CHN2: variants seen among roughly 807,000 people sequenced by gnomAD.
CHN2 encodes chimerin 2, also known as beta-chimaerin.
A neutral mutation model predicts 56.3 loss-of-function variants in CHN2; 35 were observed. The observed-to-expected ratio is 0.62, with a 90% CI of 0.47 to 0.82. The LOEUF (loss-of-function observed/expected upper bound fraction) is 0.82, where lower values mean the gene tolerates loss of function less well. Ranked by LOEUF, CHN2 falls within the 40% of genes least tolerant of loss-of-function variation. The pLI, the probability that CHN2 is intolerant of heterozygous loss-of-function variation, is 0.00. For missense variants in CHN2, 491 were observed against 580.5 expected (o/e 0.85, Z 1.58); for synonymous variants, 210 against 212.8 (o/e 0.99, Z 0.12).
upstream of CHN2, chr7:29,194,247 G>A (rs1783290322): frequency 4.4e-5 from 6 of 135,756 alleles, no homozygotes; most frequent in Admixed American, 4.6e-4. Flanking sequence ...CGCAGCAGCC[G>A]CGCTCGCCCC....
intron 1 of CHN2, among the ~76,000 whole-genome samples, chr7:29,330,034 T>A (rs1796106017): frequency 1.3e-5 from 2 of 152,320 alleles, no homozygotes; most frequent in South Asian, 4.1e-4. Flanking sequence ...TCCTTGAAGG[T>A]AAGAATCATC....
At chr7:29,275,459 ACT>A (rs1791115351) in intron 1 of CHN2, among the ~76,000 whole-genome samples, 1 of 152,098 alleles carries the variant, frequency 6.6e-6, no homozygotes, top group Admixed American at 6.6e-5. Flanking sequence ...CACATGTAAG[ACT>A]CTATGATTAT....
At chr7:29,252,189 T>TTTC (rs1788605304) in intron 1 of CHN2, among the ~76,000 whole-genome samples, 1 of 144,718 alleles carries the variant, frequency 6.9e-6, no homozygotes, top group African/African-American at 2.6e-5. Context: ...TATACAGGAT[T>TTTC]TTTTTTTTTT....
Position 29,412,320 on chromosome 7 carries a change from C to CTTTTTTTTTT in CHN2, c.576+11511_576+11520dup, listed in dbSNP as rs1158746299. Among the ~76,000 whole-genome samples the CTTTTTTTTTT allele has an allele frequency of 1.9e-4, 13 of 69,504 alleles. 3 individuals are homozygous for CTTTTTTTTTT. The highest frequency in any genetic ancestry group is 6.2e-4 in the African/African-American group (10 of 16,108). The allele number at this position is 69,504 out of a possible 152,430, so 45.6% of individuals were successfully genotyped here. A position where few individuals can be genotyped will look rare whatever the true frequency, so the allele number is the denominator to read the frequency against. On this transcript the variant is annotated intron_variant, in intron 6 of 12. Coordinates refer to ENST00000222792, the MANE Select transcript of CHN2 (RefSeq NM_004067.4). ...AGATTAAGGCGCTCTGCTAAAGAGT[C>CTTTTTTTTTT]TTTTTTTTTTTTTTTTTTTTTTTTT... is the stretch of plus-strand genomic sequence containing the variant.
intron 6 of CHN2, among the ~76,000 whole-genome samples, chr7:29,442,930 A>ATTTCTTTTTTTTTTTCT (rs1783754636): frequency 9.8e-6 from 1 of 102,186 alleles, no homozygotes; most frequent in South Asian, 3.0e-4. Context: ...ATTTCATTGA[A>ATTTCTTTTTTTTTTTCT]TTTCTTTTTT....
At chr7:29,149,193 T>TTA (rs1793224945) in intron 2 of CHN2, among the ~76,000 whole-genome samples, 1 of 142,084 alleles carries the variant, frequency 7.0e-6, no homozygotes, top group Non-Finnish European at 1.5e-5. Context: ...GTTTCCCTTT[T>TTA]TTTTTTTTTT....
chr7:29,476,561 TA>T (rs34518690), intron 6 of CHN2, among the ~76,000 whole-genome samples: 22,685 of 149,036 alleles, frequency 0.15, 2,193 homozygotes, highest in African/African-American at 0.27. Context: ...CAATAAAAAT[TA>T]AAAAAAAAAA....
intron 2 of CHN2, among the ~76,000 whole-genome samples, chr7:29,173,844 TG>T (rs1562807642): frequency 6.7e-6 from 1 of 150,036 alleles, no homozygotes; most frequent in African/African-American, 2.5e-5. Flanking sequence ...CCATCTTACT[TG>T]GGGGGCTGAG....
intron 1 of CHN2, among the ~76,000 whole-genome samples, chr7:29,218,075 GA>G (rs1270658479): frequency 1.3e-5 from 2 of 151,488 alleles, no homozygotes; most frequent in East Asian, 1.9e-4. Flanking sequence ...TTACATTTAA[GA>G]AAAAAAAGAC....
intron 7 of CHN2, among the ~76,000 whole-genome samples, chr7:29,485,264 T>C (rs1430251712): frequency 1.3e-5 from 2 of 152,070 alleles, no homozygotes; most frequent in Admixed American, 6.6e-5. Flanking sequence ...GGGCAGGTAA[T>C]GTGTGAGACC....
intron 1 of CHN2, among the ~76,000 whole-genome samples, chr7:29,319,131 ATGTG>A (rs1189966836): frequency 6.6e-6 from 1 of 152,230 alleles, no homozygotes; most frequent in Non-Finnish European, 1.5e-5. Flanking sequence ...ACATGCAACT[ATGTG>A]TGTGAAATTT....
chr7:29,490,116 T>A (rs1178756986), intron 7 of CHN2, among the ~76,000 whole-genome samples: 1 of 146,046 alleles, frequency 6.8e-6, no homozygotes. Flanking sequence ...CATTCCTTTT[T>A]TTTTTTTTTT....
At chr7:29,278,950 C>T (rs956061713) in intron 1 of CHN2, among the ~76,000 whole-genome samples, 1 of 152,090 alleles carries the variant, frequency 6.6e-6, no homozygotes, top group Non-Finnish European at 1.5e-5. Flanking sequence ...CTGCCTCCCC[C>T]CAGGCCTGTC....
chr7:29,323,707 G>A (rs1234415136), intron 1 of CHN2, among the ~76,000 whole-genome samples: 2 of 151,896 alleles, frequency 1.3e-5, no homozygotes, highest in Non-Finnish European at 2.9e-5. Context: ...TTAAATTATA[G>A]GGGGTTGAGG....
intron 6 of CHN2, among the ~76,000 whole-genome samples, chr7:29,421,713 G>A (rs1041766540): frequency 6.6e-6 from 1 of 152,202 alleles, no homozygotes; most frequent in Non-Finnish European, 1.5e-5. Context: ...GAGATAGAAT[G>A]TACGTGAATG....
At position 29,208,442 on chromosome 7, in the gene CHN2, C is replaced by T. The variant is rs73306262; in HGVS notation, c.49+13452C>T. On this transcript the variant is annotated intron_variant, in intron 1 of 12. Transcript: ENST00000222792. ...TGGCAACCCCTAGAGGAAGTGGGCA[C>T]GGGCTACAGTGACTCTGTTGTTCTG... Among the ~76,000 whole-genome samples, 1,499 of 152,274 alleles carry T rather than the reference C, an allele frequency of 9.8e-3. 28 individuals carry two copies. The highest frequency in any genetic ancestry group is 0.034 in the African/African-American group (1,428 of 41,540).
intron 1 of CHN2, among the ~76,000 whole-genome samples, chr7:29,252,578 G>GTTTTTGTTTTTTT (rs1788666189): frequency 5.1e-5 from 1 of 19,488 alleles, no homozygotes; most frequent in African/African-American, 3.1e-4. Flanking sequence ...TGCATTCTTT[G>GTTTTTGTTTTTTT]TTTTTTTTTT....
chr7:29,203,697 T>C (rs1205583738), intron 1 of CHN2, among the ~76,000 whole-genome samples: 4 of 152,198 alleles, frequency 2.6e-5, no homozygotes, highest in Admixed American at 2.6e-4. Context: ...GCTGATGCAC[T>C]GCTCAGTGGC....
At chr7:29,183,212 G>A (rs1160934890) in intron 2 of CHN2, among the ~76,000 whole-genome samples, 1 of 151,768 alleles carries the variant, frequency 6.6e-6, no homozygotes, top group Non-Finnish European at 1.5e-5. Context: ...AGCCTCCTGA[G>A]TAGCTGGGGT....
Sources: gnomAD v4.1 joint callset for allele counts (sites outside exome capture counted in the v4.1 genomes callset) on GRCh38, gnomAD v4.1.1 for gene constraint, MANE v1.5 for transcripts, NCBI Gene and HGNC (gene_info 2026-07-23, HGNC 2026-07-21) for gene names.